ANK2: variants seen among roughly 807,000 people sequenced by gnomAD.
The protein encoded by ANK2 is ankyrin 2.
Under a neutral mutation model 360.5 loss-of-function variants are expected in ANK2, and 83 were observed. The observed-to-expected ratio is 0.23, with a 90% CI of 0.19 to 0.28. The LOEUF is 0.28. Ranked by LOEUF, ANK2 falls within the 10% of genes least tolerant of loss-of-function variation. The pLI, the probability that ANK2 is intolerant of heterozygous loss-of-function variation, is 1.00. For missense variants in ANK2, 4,201 were observed against 4,795.7 expected, an observed-to-expected ratio of 0.88 and a Z score of 3.66; for synonymous variants, 1,740 against 1,759.5, an observed-to-expected ratio of 0.99 and a Z score of 0.28.
intron 26 of ANK2, among the ~76,000 whole-genome samples, chr4:113,320,077 T>C (rs2085222544): frequency 6.6e-6 from 1 of 152,174 alleles, no homozygotes; most frequent in Non-Finnish European, 1.5e-5. Flanking sequence ...AAAGGAACTT[T>C]TAAAAGAAGT....
chr4:113,162,281 C>T (rs1294334398), intron 1 of ANK2, among the ~76,000 whole-genome samples: 1 of 151,998 alleles, frequency 6.6e-6, no homozygotes, highest in Non-Finnish European at 1.5e-5. Flanking sequence ...TTATCCTCAT[C>T]ACATGCTAGA....
At chr4:113,115,150 A>C (rs918480490) in intron 1 of ANK2, among the ~76,000 whole-genome samples, 30 of 152,264 alleles carry the variant, frequency 2.0e-4, no homozygotes, top group African/African-American at 6.5e-4. Flanking sequence ...GAGGTATGCT[A>C]TGTCAAGTGG....
At chr4:113,248,000 T>A (rs2043972272) in intron 9 of ANK2, among the ~76,000 whole-genome samples, 1 of 152,244 alleles carries the variant, frequency 6.6e-6, no homozygotes, top group Non-Finnish European at 1.5e-5. Context: ...GGCTCCTATC[T>A]GGCAAATTTT....
chr4:113,270,093 A>G (rs754559245), intron 14 of ANK2, among the ~76,000 whole-genome samples: 1 of 152,188 alleles, frequency 6.6e-6, no homozygotes, highest in Non-Finnish European at 1.5e-5. Flanking sequence ...GCATTCAGCT[A>G]TTTGAAAAAT....
intron 1 of ANK2, among the ~76,000 whole-genome samples, chr4:113,117,809 A>G (rs1268725103): frequency 2.0e-5 from 3 of 152,052 alleles, no homozygotes; most frequent in South Asian, 2.1e-4. Flanking sequence ...CTATTACTCT[A>G]TCTTTAGCAG....
the ANK2 span, among the ~76,000 whole-genome samples, chr4:112,737,266 G>A: frequency 1.3e-5 from 2 of 152,126 alleles, no homozygotes; most frequent in Non-Finnish European, 2.9e-5. Flanking sequence ...ACTCTATAAT[G>A]CTTGATTTAA....
chr4:113,287,358 A>G (rs1364944061), intron 18 of ANK2, among the ~76,000 whole-genome samples: 1 of 152,226 alleles, frequency 6.6e-6, no homozygotes, highest in African/African-American at 2.4e-5. Context: ...TCATAATATA[A>G]GAACCCATTA....
At chr4:113,344,307 T>A (rs926997030) in intron 34 of ANK2, among the ~76,000 whole-genome samples, 3 of 152,056 alleles carry the variant, frequency 2.0e-5, no homozygotes, top group Non-Finnish European at 4.4e-5. Flanking sequence ...TTCAACAGCG[T>A]AGGGAAATGC....
chr4:113,147,869 AG>A (rs1329959349), intron 1 of ANK2, among the ~76,000 whole-genome samples: 1 of 152,268 alleles, frequency 6.6e-6, no homozygotes, highest in Non-Finnish European at 1.5e-5. Context: ...GACAGAGTGA[AG>A]AACAAAACTC....
At chr4:112,948,001 T>C (rs764293868) in intron 2 of ANK2, among the ~76,000 whole-genome samples, 1 of 152,244 alleles carries the variant, frequency 6.6e-6, no homozygotes, top group Non-Finnish European at 1.5e-5. Flanking sequence ...CTCTGAGCAC[T>C]CTTCCCTCCT....
chr4:112,852,922 T>C (rs1477437004), intron 1 of ANK2, among the ~76,000 whole-genome samples: 3 of 152,258 alleles, frequency 2.0e-5, no homozygotes, highest in Admixed American at 6.5e-5. Context: ...ATGTAATATT[T>C]AAAGTCACTT....
chr4:113,276,066 C>G (rs188220887), intron 15 of ANK2, among the ~76,000 whole-genome samples: 2 of 151,670 alleles, frequency 1.3e-5, no homozygotes, highest in Non-Finnish European at 2.9e-5. Context: ...CTCAGCCTCC[C>G]GAGTAGCTGG....
chr4:113,036,882 A>G (rs929259840), intron 2 of ANK2, among the ~76,000 whole-genome samples: 9 of 151,926 alleles, frequency 5.9e-5, no homozygotes, highest in African/African-American at 2.2e-4. Context: ...GGAGCAAAGT[A>G]CACACATACT....
chr4:113,097,704 A>T (rs928174243), intron 1 of ANK2, among the ~76,000 whole-genome samples: 10 of 151,922 alleles, frequency 6.6e-5, no homozygotes, highest in African/African-American at 2.4e-4. Flanking sequence ...AGATGTAGGG[A>T]AATCAGAATG....
At chr4:113,005,173 A>C (rs902078308) in intron 2 of ANK2, among the ~76,000 whole-genome samples, 1 of 152,130 alleles carries the variant, frequency 6.6e-6, no homozygotes, top group Non-Finnish European at 1.5e-5. Context: ...AATTTATAAA[A>C]AGCTTGCATT....
chr4:113,126,572 A>G (rs1032018887), intron 1 of ANK2, among the ~76,000 whole-genome samples: 1 of 152,268 alleles, frequency 6.6e-6, no homozygotes, highest in Non-Finnish European at 1.5e-5. Context: ...CCTACAAAAC[A>G]TGGGGCTTCA....
At chr4:112,899,435 C>A (rs932543227) in intron 1 of ANK2, among the ~76,000 whole-genome samples, 4 of 152,092 alleles carry the variant, frequency 2.6e-5, no homozygotes, top group African/African-American at 9.7e-5. Context: ...TATACAATTT[C>A]TTCTTTTTTC....
chr4:113,001,279 C>T (rs7662664), intron 2 of ANK2, among the ~76,000 whole-genome samples: 8,316 of 145,958 alleles, frequency 0.057, 488 homozygotes, highest in East Asian at 0.31. Flanking sequence ...TGCAGTGAGC[C>T]GAGATCCCAC....
intron 4 of ANK2, among the ~76,000 whole-genome samples, chr4:113,211,968 A>C (rs907165301): frequency 6.6e-6 from 1 of 152,152 alleles, no homozygotes; most frequent in South Asian, 2.1e-4. Context: ...AAACAATTAC[A>C]TCTTTACTGC....
Sources: allele counts gnomAD v4.1 joint callset (sites outside exome capture counted in the v4.1 genomes callset), GRCh38; gene constraint gnomAD v4.1.1; transcripts MANE v1.5; gene names NCBI Gene and HGNC (gene_info 2026-07-23, HGNC 2026-07-21).